Variants in ARFGAP3 observed in about 807,000 individuals in gnomAD.
The protein encoded by ARFGAP3 is ARF GTPase activating protein 3.
In ARFGAP3, 72 loss-of-function variants were observed where a neutral mutation model predicts 75.0. The ratio of observed to expected loss-of-function variants is 0.96; its 90% confidence interval spans 0.79 to 1.17. The LOEUF (loss-of-function observed/expected upper bound fraction) is 1.17. Ranked by LOEUF, ARFGAP3 falls within the 50% of genes most tolerant of loss-of-function variation. The probability of loss-of-function intolerance (pLI) is 0.00; values close to 1 mark genes in which losing one functional copy is unlikely to be tolerated. For synonymous variants in ARFGAP3, 221 were observed against 217.9 expected (o/e 1.01, Z -0.13); for missense variants, 620 against 626.6 (o/e 0.99, Z 0.11).
At chr22:42,819,543 T>TA (rs1273807340) in intron 9 of ARFGAP3, among the ~76,000 whole-genome samples, 1 of 152,194 alleles carries the variant, frequency 6.6e-6, no homozygotes, top group South Asian at 2.1e-4. Flanking sequence ...TGCTTACGGG[T>TA]ACTGGCTCAA....
chr22:42,839,808 T>A (rs577665824), intron 3 of ARFGAP3, among the ~76,000 whole-genome samples: 1 of 152,292 alleles, frequency 6.6e-6, no homozygotes, highest in African/African-American at 2.4e-5. Flanking sequence ...CCTGTGAACA[T>A]ATTTCTTTGA....
intron 14 of ARFGAP3, among the ~76,000 whole-genome samples, chr22:42,802,606 T>C (rs1924922467): frequency 7.0e-6 from 1 of 141,986 alleles, no homozygotes; most frequent in Non-Finnish European, 1.5e-5. Flanking sequence ...AATAAGAATT[T>C]TTTTTTTTTT....
At chr22:42,842,011 CTTTTTTTTT>C (rs55825441) in intron 2 of ARFGAP3, among the ~76,000 whole-genome samples, 2 of 91,274 alleles carry the variant, frequency 2.2e-5, no homozygotes, top group South Asian at 7.4e-4. Context: ...CCATGCCGGG[CTTTTTTTTT>C]TTTTTTTTTT....
At chr22:42,847,674 C>T (rs200756911) in intron 1 of ARFGAP3, 42 bp from the exon 2 acceptor site, 191 of 1,599,226 alleles carry the variant, frequency 1.2e-4, no homozygotes, top group Non-Finnish European at 1.5e-4. Flanking sequence ...TTATGTTAGC[C>T]AAATAAATTA....
At chr22:42,854,563 C>T (rs5758989) in intron 1 of ARFGAP3, among the ~76,000 whole-genome samples, 98,881 of 151,732 alleles carry the variant, frequency 0.65, 34,015 homozygotes, top group African/African-American at 0.87. Context: ...AGGAGGAGGT[C>T]GCAGTGTGCC....
At chr22:42,814,741 T>C (rs1210324273) in intron 11 of ARFGAP3, among the ~76,000 whole-genome samples, 1 of 152,148 alleles carries the variant, frequency 6.6e-6, no homozygotes, top group African/African-American at 2.4e-5. Context: ...TAACTGAAAC[T>C]TTCTCTTTTT....
chr22:42,799,684 A>G (rs900388262), intron 14 of ARFGAP3, among the ~76,000 whole-genome samples: 1 of 152,160 alleles, frequency 6.6e-6, no homozygotes, highest in African/African-American at 2.4e-5. Flanking sequence ...TGTATCCTCA[A>G]ATGAGAAGAG....
chr22:42,824,997 C>T (rs1220331897), intron 7 of ARFGAP3, among the ~76,000 whole-genome samples: 1 of 152,212 alleles, frequency 6.6e-6, no homozygotes. Flanking sequence ...AGCCATGTTG[C>T]TGCAAAGGAC....
At chr22:42,807,350 G>A in intron 13 of ARFGAP3, 187 bp from the exon 14 acceptor site, 1 of 792,092 alleles carries the variant, frequency 1.3e-6, no homozygotes, top group Non-Finnish European at 1.5e-6. Flanking sequence ...CTGCATGGGA[G>A]GCAGGTCACA....
chr22:42,822,510 A>G lies in ARFGAP3; in HGVS notation c.673-101T>C, dbSNP rs113561506. ...GTTAGGACCTGCCAGGCACTGTGAC[A>G]AGCACTCTACATTTGTTCTGTGGCT... is the stretch of plus-strand genomic sequence containing the variant. On this transcript the variant is annotated intron_variant, in intron 8 of 15. Coordinates refer to ENST00000263245, the MANE Select transcript of ARFGAP3 (RefSeq NM_014570.5). The G allele has an allele frequency of 8.9e-5, 125 of 1,404,100 alleles. 1 individual carries two copies. In the South Asian group the frequency reaches 1.4e-3, roughly 16 times the overall value. The allele number at this position is 1,404,100 out of a possible 1,614,324, so 87.0% of individuals were successfully genotyped here.
intron 8 of ARFGAP3, 193 bp from the exon 9 acceptor site, chr22:42,822,602 A>G (rs1182913932): frequency 8.9e-6 from 2 of 223,942 alleles, no homozygotes; most frequent in Admixed American, 6.5e-5. Context: ...AATTGGTTTC[A>G]CGACCCTGTG....
chr22:42,819,757 C>T (rs776434482), intron 9 of ARFGAP3, among the ~76,000 whole-genome samples: 9 of 152,074 alleles, frequency 5.9e-5, no homozygotes, highest in Non-Finnish European at 1.3e-4. Context: ...TTTACTGAGC[C>T]GAAATAACTT....
intron 10 of ARFGAP3, 71 bp downstream of exon 10, chr22:42,817,658 G>T: frequency 7.7e-7 from 1 of 1,290,704 alleles, no homozygotes; most frequent in Non-Finnish European, 1.1e-6. Flanking sequence ...AACTAACACA[G>T]TCCAAGAAAA....
At chr22:42,838,111 T>G (rs1926608875) in intron 3 of ARFGAP3, among the ~76,000 whole-genome samples, 1 of 151,960 alleles carries the variant, frequency 6.6e-6, no homozygotes. Context: ...TTAATTTATC[T>G]CATTAGGGAA....
chr22:42,801,338 C>A (rs569213144), intron 14 of ARFGAP3, among the ~76,000 whole-genome samples: 114 of 152,208 alleles, frequency 7.5e-4, no homozygotes, highest in Non-Finnish European at 1.5e-3. Context: ...ACACAGTGGT[C>A]TGTGGTTGGG....
chr22:42,800,509 T>A (rs779066635), intron 14 of ARFGAP3, among the ~76,000 whole-genome samples: 4 of 152,098 alleles, frequency 2.6e-5, no homozygotes, highest in Non-Finnish European at 5.9e-5. Flanking sequence ...CCAGCCTGGG[T>A]GACAGAGCGA....
chr22:42,828,681 C>CTTTTTT (rs11379515), intron 6 of ARFGAP3, among the ~76,000 whole-genome samples: 3 of 116,248 alleles, frequency 2.6e-5, no homozygotes, highest in South Asian at 3.0e-4. Flanking sequence ...AGCCCCCGGC[C>CTTTTTT]TTTTTTTTTT....
At position 42,797,445 on chromosome 22, in the gene ARFGAP3, T is replaced by C; in HGVS notation, c.*143A>G. 9.5e-7 allele frequency: 1 copy of C among 1,048,980 alleles called. No homozygotes were observed. Among genetic ancestry groups the C allele is most frequent in the Non-Finnish European group, 1.4e-6 (1 of 704,178 alleles). The allele number at this position is 1,048,980 out of a possible 1,614,324, so 65.0% of individuals were successfully genotyped here. A position where few individuals can be genotyped will look rare whatever the true frequency, so the allele number is the denominator to read the frequency against. On this transcript the variant is annotated 3_prime_UTR_variant, in exon 16 of 16. Transcript: ENST00000263245. ...AGAACTCAGAATTTCTCAAAAGAAA[T>C]ATTAAAAATCAGAAACATATACCAT...
At chr22:42,799,218 C>T in intron 14 of ARFGAP3, 58 bp from the exon 15 acceptor site, 2 of 1,599,664 alleles carry the variant, frequency 1.3e-6, no homozygotes, top group Non-Finnish European at 8.5e-7. Context: ...TGCGGCAAAC[C>T]CAGTACCCAG....
Sources: allele counts gnomAD v4.1 joint callset (sites outside exome capture counted in the v4.1 genomes callset), GRCh38; gene constraint gnomAD v4.1.1; transcripts MANE v1.5; gene names NCBI Gene and HGNC (gene_info 2026-07-23, HGNC 2026-07-21).